CACNB4: variants seen among roughly 807,000 people sequenced by gnomAD.
The protein encoded by CACNB4 is voltage-dependent L-type calcium channel subunit beta-4.
Under a neutral mutation model 71.2 loss-of-function variants are expected in CACNB4, and 32 were observed. The observed-to-expected ratio is 0.45, with a 90% confidence interval of 0.34 to 0.60. The LOEUF is 0.60. CACNB4 is among the 20% of genes least tolerant of loss of function. CACNB4 has a pLI of 0.01. For synonymous variants in CACNB4, 231 were observed against 236.9 expected, an observed-to-expected ratio of 0.97 and a Z score of 0.23; for missense variants, 464 against 647.9, an observed-to-expected ratio of 0.72 and a Z score of 3.08.
rs570774678 is a variant in CACNB4 at position 152,009,768 on chromosome 2, C to A, written c.147+88562G>T. Among the ~76,000 whole-genome samples, 4 of 152,324 alleles carry A rather than the reference C, an allele frequency of 2.6e-5. No homozygotes were observed. In the South Asian group the frequency reaches 8.3e-4, roughly 32 times the overall value. On this transcript the variant is annotated intron_variant, in intron 2 of 13. Coordinates refer to ENST00000539935, the MANE Select transcript of CACNB4 (RefSeq NM_000726.5). ...AGCTCTGAGGAAAGACGGTCCACAG[C>A]TGGCTGTCTCTGAATCTGAGGTCAG...
At chr2:151,899,318 G>A (rs1160056372) in intron 2 of CACNB4, among the ~76,000 whole-genome samples, 1 of 152,182 alleles carries the variant, frequency 6.6e-6, no homozygotes, top group Admixed American at 6.5e-5. Flanking sequence ...TTCCAGCAGA[G>A]TGGCCTGAGA....
At chr2:151,971,682 G>T (rs553498843) in intron 2 of CACNB4, 1 of 693,278 alleles carries the variant, frequency 1.4e-6, no homozygotes, top group Non-Finnish European at 2.6e-6. Flanking sequence ...CACCATCTTG[G>T]GTAACACATC....
chr2:151,998,652 C>CG (rs1401572330), intron 2 of CACNB4, among the ~76,000 whole-genome samples: 1 of 152,204 alleles, frequency 6.6e-6, no homozygotes, highest in African/African-American at 2.4e-5. Context: ...CTCCCCTCCA[C>CG]GGGGGCACTA....
chr2:151,917,946 T>C (rs747063749), intron 2 of CACNB4, among the ~76,000 whole-genome samples: 6 of 152,020 alleles, frequency 3.9e-5, no homozygotes, highest in Admixed American at 1.3e-4. Flanking sequence ...AAAGAGAAAG[T>C]TGGCTGGAAA....
intron 2 of CACNB4, among the ~76,000 whole-genome samples, chr2:151,915,553 G>A (rs972226499): frequency 4.6e-5 from 7 of 152,176 alleles, no homozygotes; most frequent in African/African-American, 7.2e-5. Flanking sequence ...CTGTAAGAAT[G>A]TGCTCGTGGC....
At chr2:151,933,550 T>G (rs1291254989) in intron 2 of CACNB4, among the ~76,000 whole-genome samples, 1 of 152,062 alleles carries the variant, frequency 6.6e-6, no homozygotes, top group East Asian at 1.9e-4. Context: ...AGCAATGCAT[T>G]CAAGATCACA....
intron 2 of CACNB4, among the ~76,000 whole-genome samples, chr2:152,087,091 C>T (rs6726963): frequency 0.16 from 23,473 of 145,402 alleles, 2,522 homozygotes; most frequent in East Asian, 0.57. Flanking sequence ...AAGATTGCAC[C>T]GTTGCACTTC....
chr2:151,998,795 C>G, intron 2 of CACNB4, among the ~76,000 whole-genome samples: 1 of 152,296 alleles, frequency 6.6e-6, no homozygotes, highest in Middle Eastern at 3.4e-3. Flanking sequence ...CCCCTGCGTT[C>G]GAGGGCTGTC....
At chr2:151,897,021 G>T (rs999922797) in intron 2 of CACNB4, among the ~76,000 whole-genome samples, 37 of 152,294 alleles carry the variant, frequency 2.4e-4, no homozygotes, top group African/African-American at 8.9e-4. Flanking sequence ...ACTGTTGGAT[G>T]AGCAGATCAC....
At chr2:151,969,282 T>C (rs1323553512) in intron 2 of CACNB4, 1 of 152,256 alleles carries the variant, frequency 6.6e-6, no homozygotes, top group African/African-American at 2.4e-5. Flanking sequence ...CACCAAACCA[T>C]AGAGACCTCT....
chr2:151,924,032 A>ACATG (rs1298375441), intron 2 of CACNB4, among the ~76,000 whole-genome samples: 1 of 149,296 alleles, frequency 6.7e-6, no homozygotes, highest in Admixed American at 6.7e-5. Context: ...ATGCATTTAT[A>ACATG]CATGCATACA....
At chr2:152,068,198 C>A (rs1261538533) in intron 2 of CACNB4, among the ~76,000 whole-genome samples, 1 of 152,180 alleles carries the variant, frequency 6.6e-6, no homozygotes, top group East Asian at 1.9e-4. Context: ...ATCTGAGAAT[C>A]TTTAATCCTC....
chr2:152,027,832 G>C (rs1468721217), intron 2 of CACNB4, among the ~76,000 whole-genome samples: 1 of 126,120 alleles, frequency 7.9e-6, no homozygotes, highest in Non-Finnish European at 1.6e-5. Context: ...CAGCCCGGGC[G>C]ACAGAGTGAG....
At chr2:151,858,275 A>T (rs937177870) in intron 10 of CACNB4, 1 of 152,162 alleles carries the variant, frequency 6.6e-6, no homozygotes, top group African/African-American at 2.4e-5. Context: ...TCTCTCCAGG[A>T]TCCCTGTCAC....
intron 2 of CACNB4, among the ~76,000 whole-genome samples, chr2:152,064,739 A>G (rs759867964): frequency 1.3e-4 from 20 of 152,244 alleles, no homozygotes; most frequent in Non-Finnish European, 2.4e-4. Context: ...AAATACAGGT[A>G]AGAAAGAAAA....
intron 2 of CACNB4, among the ~76,000 whole-genome samples, chr2:151,934,183 T>C (rs772694394): frequency 5.9e-5 from 9 of 152,088 alleles, no homozygotes; most frequent in Non-Finnish European, 1.2e-4. Flanking sequence ...GGAAAGGGAG[T>C]GTTACCTATG....
At chr2:152,089,949 C>T (rs2345634) in intron 2 of CACNB4, among the ~76,000 whole-genome samples, 57,683 of 151,954 alleles carry the variant, frequency 0.38, 11,183 homozygotes, top group Admixed American at 0.46. Flanking sequence ...CACAGAGGGT[C>T]ACTGAGCAGA....
Position 152,047,870 on chromosome 2 carries a change from G to C in CACNB4, c.147+50460C>G, listed in dbSNP as rs577284424. Among the ~76,000 whole-genome samples the C allele has an allele frequency of 9.8e-5, 15 of 152,320 alleles. 1 individual carries two copies. In the East Asian group the frequency reaches 2.9e-3, roughly 29 times the overall value. On this transcript the variant is annotated intron_variant, in intron 2 of 13. Transcript: ENST00000539935. Reference sequence around the variant, plus strand: ...GCTGAGATTGAGCCACTCCACTCCAGCCTGGGTGACAAGGCAAGACCCTGT... The same window carrying C: ...GCTGAGATTGAGCCACTCCACTCCACCCTGGGTGACAAGGCAAGACCCTGT...
intron 3 of CACNB4, 51 bp from the exon 4 acceptor site, chr2:151,880,973 A>G: frequency 6.6e-7 from 1 of 1,522,776 alleles, no homozygotes; most frequent in Non-Finnish European, 8.8e-7. Flanking sequence ...AGAGAGGAGC[A>G]TTTTTCATAT....
Sources: allele counts gnomAD v4.1 joint callset (sites outside exome capture counted in the v4.1 genomes callset), GRCh38; gene constraint gnomAD v4.1.1; transcripts MANE v1.5; gene names NCBI Gene and HGNC (gene_info 2026-07-23, HGNC 2026-07-21).